The following FHIT variants were observed in gnomAD, a reference collection of about 807,000 sequenced individuals.
The protein encoded by FHIT is fragile histidine triad diadenosine triphosphatase.
A neutral mutation model predicts 17.9 loss-of-function variants in FHIT; 19 were observed. That is an observed-to-expected ratio of 1.06 (90% confidence interval 0.74 to 1.56). The LOEUF (loss-of-function observed/expected upper bound fraction) is 1.56, where lower values mean the gene tolerates loss of function less well. Ranked by LOEUF, FHIT falls within the 40% of genes most tolerant of loss-of-function variation. The probability of loss-of-function intolerance (pLI) is 0.00; values close to 1 mark genes in which losing one functional copy is unlikely to be tolerated. For missense variants in FHIT, 248 were observed against 189.2 expected (o/e 1.31, Z -1.82); for synonymous variants, 81 against 69.7 (o/e 1.16, Z -0.81).
chr3:60,350,775 T>G (rs1236937496), intron 5 of FHIT, among the ~76,000 whole-genome samples: 1 of 152,174 alleles, frequency 6.6e-6, no homozygotes, highest in Admixed American at 6.5e-5. Context: ...TGCTCTTGTG[T>G]GTAATCTCCT....
intron 1 of FHIT, among the ~76,000 whole-genome samples, chr3:61,204,246 G>A (rs75809629): frequency 0.11 from 16,321 of 152,206 alleles, 1,060 homozygotes; most frequent in South Asian, 0.22. Context: ...TCTTGAGAGT[G>A]GGAGAGGAGA....
chr3:60,004,498 A>C (rs577898549), intron 7 of FHIT, among the ~76,000 whole-genome samples: 5 of 152,276 alleles, frequency 3.3e-5, no homozygotes, highest in South Asian at 2.1e-4. Flanking sequence ...ATAAACAGGG[A>C]TTGTCCTCTG....
At chr3:60,607,764 A>G (rs1553671745) in intron 4 of FHIT, among the ~76,000 whole-genome samples, 1 of 152,138 alleles carries the variant, frequency 6.6e-6, no homozygotes, top group Non-Finnish European at 1.5e-5. Context: ...TGCAATACAT[A>G]CATATACATA....
chr3:59,865,527 C>T (rs555801001), intron 8 of FHIT, among the ~76,000 whole-genome samples: 9 of 152,342 alleles, frequency 5.9e-5, no homozygotes, highest in African/African-American at 2.2e-4. Context: ...AACGACCTCC[C>T]CTTGGAGCCA....
intron 7 of FHIT, among the ~76,000 whole-genome samples, chr3:59,926,692 G>T (rs995283776): frequency 6.6e-6 from 1 of 152,126 alleles, no homozygotes; most frequent in Non-Finnish European, 1.5e-5. Flanking sequence ...TTTCAGTAAG[G>T]CTAGGAGAAC....
intron 5 of FHIT, among the ~76,000 whole-genome samples, chr3:60,305,956 T>C (rs1708651545): frequency 6.6e-6 from 1 of 152,164 alleles, no homozygotes; most frequent in Non-Finnish European, 1.5e-5. Flanking sequence ...CTACCTTAAT[T>C]CTTAATGTTT....
intron 4 of FHIT, among the ~76,000 whole-genome samples, chr3:60,548,000 C>A (rs1337893163): frequency 6.6e-6 from 1 of 152,236 alleles, no homozygotes; most frequent in Middle Eastern, 3.4e-3. Flanking sequence ...GTAACGAAAT[C>A]TCTTTTGGTA....
At chr3:60,862,717 T>C (rs1349838293) in intron 3 of FHIT, among the ~76,000 whole-genome samples, 1 of 151,942 alleles carries the variant, frequency 6.6e-6, no homozygotes, top group Non-Finnish European at 1.5e-5. Context: ...CCAGGCATGG[T>C]GGTGAGTGCC....
At chr3:60,297,779 T>C (rs1348078302) in intron 5 of FHIT, among the ~76,000 whole-genome samples, 1 of 152,074 alleles carries the variant, frequency 6.6e-6, no homozygotes, top group Non-Finnish European at 1.5e-5. Flanking sequence ...AGACGCTAAC[T>C]GGGTATCCTA....
chr3:60,788,080 C>T (rs2108112291), intron 4 of FHIT, among the ~76,000 whole-genome samples: 1 of 152,226 alleles, frequency 6.6e-6, no homozygotes, highest in East Asian at 1.9e-4. Flanking sequence ...TTAAATAAGG[C>T]ATCTTTAAAT....
At position 60,916,809 on chromosome 3, in the gene FHIT, C is replaced by T. The variant is rs73838614; in HGVS notation, c.-110-94798G>A. ...ATTAGTCATTTTCTTCCCATGGTGACGACAGCTATAATAGCATGCAGTAGT... is the reference window on the plus strand; with the variant it reads ...ATTAGTCATTTTCTTCCCATGGTGATGACAGCTATAATAGCATGCAGTAGT... On this transcript the variant is annotated intron_variant, in intron 3 of 9. Transcript: ENST00000492590. Among the ~76,000 whole-genome samples, 226 of 152,180 alleles carry T rather than the reference C, an allele frequency of 1.5e-3. 1 individual carries two copies. Among genetic ancestry groups the T allele is most frequent in the African/African-American group, 5.3e-3 (219 of 41,524 alleles).
intron 8 of FHIT, among the ~76,000 whole-genome samples, chr3:59,918,368 G>A (rs1385594090): frequency 6.6e-6 from 1 of 152,298 alleles, no homozygotes; most frequent in Non-Finnish European, 1.5e-5. Flanking sequence ...TGTGGGAGGT[G>A]TTAAGAAGGA....
intron 5 of FHIT, among the ~76,000 whole-genome samples, chr3:60,505,499 A>T (rs1046749470): frequency 6.6e-6 from 1 of 152,242 alleles, no homozygotes; most frequent in African/African-American, 2.4e-5. Context: ...ACATCTTATG[A>T]CAAAGTTACA....
At chr3:59,784,871 C>T (rs1282471434) in intron 8 of FHIT, among the ~76,000 whole-genome samples, 1 of 152,088 alleles carries the variant, frequency 6.6e-6, no homozygotes, top group Non-Finnish European at 1.5e-5. Flanking sequence ...TCTGGCACTA[C>T]TATAAAGAAA....
At chr3:61,187,481 G>A (rs1394989046) in intron 2 of FHIT, among the ~76,000 whole-genome samples, 1 of 152,084 alleles carries the variant, frequency 6.6e-6, no homozygotes, top group Non-Finnish European at 1.5e-5. Context: ...CAATAATAAT[G>A]GGAGACTTTA....
At chr3:61,219,278 T>C (rs770968306) in intron 1 of FHIT, among the ~76,000 whole-genome samples, 19 of 152,186 alleles carry the variant, frequency 1.2e-4, no homozygotes, top group Non-Finnish European at 2.2e-4. Context: ...AATAAACTAA[T>C]ACAAGCAGAT....
chr3:60,833,999 T>C lies in FHIT; in HGVS notation c.-110-11988A>G, dbSNP rs1702429706. Among the ~76,000 whole-genome samples the C allele has an allele frequency of 2.6e-5, 4 of 152,240 alleles. No individual in the cohort carries two copies. The South Asian group carries it at 8.3e-4, about 32-fold the overall frequency. Reference sequence around the variant, plus strand: ...CATTGCTGAGTAGTATTCGATGGTATGGATGGACCACAGTTTGCTTAACCA... The same window carrying C: ...CATTGCTGAGTAGTATTCGATGGTACGGATGGACCACAGTTTGCTTAACCA... On this transcript the variant is annotated intron_variant, in intron 3 of 9. Transcript: ENST00000492590.
chr3:60,902,623 T>C (rs1323094791), intron 3 of FHIT, among the ~76,000 whole-genome samples: 1 of 152,178 alleles, frequency 6.6e-6, no homozygotes, highest in Non-Finnish European at 1.5e-5. Context: ...TTACTGATGG[T>C]ATAATGGAAA....
At chr3:60,441,340 A>G (rs890887180) in intron 5 of FHIT, among the ~76,000 whole-genome samples, 2 of 152,096 alleles carry the variant, frequency 1.3e-5, no homozygotes, top group African/African-American at 4.8e-5. Context: ...AATGTCTAGC[A>G]ATAAATATAT....
Sources: gnomAD v4.1 joint callset for allele counts (sites outside exome capture counted in the v4.1 genomes callset) on GRCh38, gnomAD v4.1.1 for gene constraint, MANE v1.5 for transcripts, NCBI Gene and HGNC (gene_info 2026-07-23, HGNC 2026-07-21) for gene names.